CACNB2: variants seen among roughly 807,000 people sequenced by gnomAD.
The protein encoded by CACNB2 is calcium voltage-gated channel auxiliary subunit beta 2, also known as voltage-dependent L-type calcium channel subunit beta-2.
A neutral mutation model predicts 73.3 loss-of-function variants in CACNB2; 42 were observed. That is an observed-to-expected ratio of 0.57 (90% CI 0.45 to 0.74). CACNB2 has a LOEUF of 0.74. Ranked by LOEUF, CACNB2 falls within the 30% of genes least tolerant of loss-of-function variation. The pLI is 0.00. For missense variants in CACNB2, 940 were observed against 853.0 expected (o/e 1.10, Z -1.27); for synonymous variants, 348 against 310.3 (o/e 1.12, Z -1.28).
chr10:18,240,066 T>C (rs892946901), intron 2 of CACNB2, among the ~76,000 whole-genome samples: 3 of 152,214 alleles, frequency 2.0e-5, no homozygotes, highest in Non-Finnish European at 4.4e-5. Flanking sequence ...AAATCTTCAG[T>C]ATGGCAACTT....
chr10:18,164,447 A>G (rs2032698174), intron 2 of CACNB2, among the ~76,000 whole-genome samples: 1 of 152,162 alleles, frequency 6.6e-6, no homozygotes, highest in Non-Finnish European at 1.5e-5. Flanking sequence ...ACCATGAGTA[A>G]TTACCCTCTT....
At chr10:18,229,867 A>T (rs1020617771) in intron 2 of CACNB2, among the ~76,000 whole-genome samples, 2 of 152,226 alleles carry the variant, frequency 1.3e-5, no homozygotes, top group Non-Finnish European at 2.9e-5. Flanking sequence ...GTAAAATTAC[A>T]TATGGCATTA....
intron 2 of CACNB2, among the ~76,000 whole-genome samples, chr10:18,236,706 A>G (rs2036459702): frequency 6.6e-6 from 1 of 152,184 alleles, no homozygotes; most frequent in Non-Finnish European, 1.5e-5. Flanking sequence ...TCTCTGCCTC[A>G]TAATCTACCT....
At chr10:18,299,346 G>A (rs1190599874) in intron 2 of CACNB2, among the ~76,000 whole-genome samples, 1 of 152,106 alleles carries the variant, frequency 6.6e-6, no homozygotes, top group Non-Finnish European at 1.5e-5. Context: ...GAAGAAGTAG[G>A]GCCTGGGAAA....
intron 2 of CACNB2, among the ~76,000 whole-genome samples, chr10:18,306,993 C>A (rs1010608469): frequency 2.0e-5 from 3 of 151,808 alleles, no homozygotes; most frequent in Non-Finnish European, 4.4e-5. Context: ...TCTGTCAGTT[C>A]CTGGTTAGGA....
chr10:18,222,216 G>C (rs955247635), intron 2 of CACNB2, among the ~76,000 whole-genome samples: 8 of 152,138 alleles, frequency 5.3e-5, no homozygotes, highest in Middle Eastern at 3.2e-3. Context: ...CACATGCCGA[G>C]GCAGAACCCA....
intron 3 of CACNB2, among the ~76,000 whole-genome samples, chr10:18,453,670 C>T (rs1220479835): frequency 6.6e-6 from 1 of 152,184 alleles, no homozygotes; most frequent in African/African-American, 2.4e-5. Flanking sequence ...CGCTCTGTTG[C>T]CCAGGCTGGA....
intron 10 of CACNB2, among the ~76,000 whole-genome samples, chr10:18,528,069 T>C (rs191189038): frequency 3.9e-5 from 6 of 152,324 alleles, no homozygotes; most frequent in South Asian, 2.1e-4. Context: ...AACTACCTCA[T>C]AGAATCATTG....
At chr10:18,275,415 G>A (rs1204634504) in intron 2 of CACNB2, among the ~76,000 whole-genome samples, 1 of 152,166 alleles carries the variant, frequency 6.6e-6, no homozygotes, top group Non-Finnish European at 1.5e-5. Context: ...ACGTGGTTTT[G>A]AATATCAGCT....
chr10:18,500,648 A>T (rs2050143553), intron 4 of CACNB2, among the ~76,000 whole-genome samples, 164 bp from the exon 5 acceptor site: 1 of 152,194 alleles, frequency 6.6e-6, no homozygotes, highest in Admixed American at 6.5e-5. Flanking sequence ...CGCTAAATGC[A>T]TTTCTTACAT....
Position 18,153,605 on chromosome 10 carries a change from A to G in CACNB2, c.213+2630A>G, listed in dbSNP as rs539186974. ...TTATTTATTTATTTATTTTTGAGAC[A>G]GGGTCTCACTCTGTTACCCAGGCTG... On this transcript the variant is annotated intron_variant, in intron 2 of 13. Transcript: ENST00000324631. Among the ~76,000 whole-genome samples the G allele has an allele frequency of 2.4e-5, 3 of 122,458 alleles. No individual in the cohort carries two copies. In the East Asian group the frequency reaches 8.8e-4, roughly 36 times the overall value. The allele number at this position is 122,458 out of a possible 152,430, so 80.3% of individuals were successfully genotyped here.
intron 2 of CACNB2, among the ~76,000 whole-genome samples, chr10:18,244,283 A>G (rs1307007524): frequency 6.6e-6 from 1 of 152,226 alleles, no homozygotes; most frequent in Non-Finnish European, 1.5e-5. Context: ...TGAGATTCAT[A>G]TAGAGTAAGA....
At position 18,539,866 on chromosome 10, in the gene CACNB2, A is replaced by G; in HGVS notation, c.*142A>G. On this transcript the variant is annotated 3_prime_UTR_variant, in exon 14 of 14. Transcript: ENST00000324631. The stretch of plus-strand genomic sequence containing the variant: ...ATTTTGTATTATTGCTGTTGCTTGA[A>G]TAGCAATAGCATGGATAGAGTATTG... 1.2e-6 allele frequency: 1 copy of G among 865,890 alleles called. No individual in the cohort carries two copies. Among genetic ancestry groups the G allele is most frequent in the Non-Finnish European group, 1.8e-6 (1 of 568,934 alleles). The allele number at this position is 865,890 out of a possible 1,614,324, so 53.6% of individuals were successfully genotyped here.
At chr10:18,313,540 T>A (rs1044897385) in intron 2 of CACNB2, among the ~76,000 whole-genome samples, 3 of 152,172 alleles carry the variant, frequency 2.0e-5, no homozygotes, top group African/African-American at 7.2e-5. Flanking sequence ...AGTTCCTATC[T>A]TTGGAGCTTT....
In CACNB2 at chr10:18,481,192, CTATATA is replaced by C. The variant is rs145814788; in HGVS notation, c.334-17129_334-17124del. Among the ~76,000 whole-genome samples, 337 of 36,674 alleles carry C rather than the reference CTATATA, an allele frequency of 9.2e-3. 3 individuals carry two copies. Among genetic ancestry groups the C allele is most frequent in the African/African-American group, 9.5e-3 (83 of 8,700 alleles). The allele number at this position is 36,674 out of a possible 152,430, so 24.1% of individuals were successfully genotyped here. On this transcript the variant is annotated intron_variant, in intron 3 of 13. Coordinates refer to ENST00000324631, the MANE Select transcript of CACNB2 (RefSeq NM_201596.3). ...CAAAACTGATAATATTACATCTTCGCTATATATATATATATATATATATATATATAT... is the reference window on the plus strand; with the variant it reads ...CAAAACTGATAATATTACATCTTCGCTATATATATATATATATATATATAT...
chr10:18,150,651 G>A (rs962384196), intron 1 of CACNB2, among the ~76,000 whole-genome samples: 3 of 152,032 alleles, frequency 2.0e-5, no homozygotes, highest in East Asian at 1.9e-4. Flanking sequence ...CAGCAAGAGC[G>A]AAACTCTGTC....
chr10:18,150,855 CTTTTTTTTTTTT>C lies in CACNB2; in HGVS notation c.121-14_121-3del, dbSNP rs71402148. The C allele has an allele frequency of 2.5e-5, 12 of 484,678 alleles. No homozygotes were observed. Among genetic ancestry groups the C allele is most frequent in the Middle Eastern group, 5.3e-4 (1 of 1,886 alleles). The allele number at this position is 484,678 out of a possible 1,614,324, so 30.0% of individuals were successfully genotyped here. On this transcript the variant is annotated splice_polypyrimidine_tract_variant and intron_variant, in intron 1 of 13. Transcript: ENST00000324631. ...AGGGTCTCATAATAATCTTATTTGT[CTTTTTTTTTTTT>C]TTTTTTTTTTTTTAGTCATATGGAA...
chr10:18,141,326 TGCAGGTGG>T, intron 1 of CACNB2: 2 of 967,198 alleles, frequency 2.1e-6, no homozygotes, highest in South Asian at 1.4e-5. Context: ...GATGATGGGG[TGCAGGTGG>T]GCAGGAGGGG....
chr10:18,496,827 AAAAAAAAGG>A (rs2049855626), intron 3 of CACNB2, among the ~76,000 whole-genome samples: 1 of 150,694 alleles, frequency 6.6e-6, no homozygotes, highest in Non-Finnish European at 1.5e-5. Context: ...AAAAAAAAAA[AAAAAAAAGG>A]AAAAAAAGAA....
Sources: gnomAD v4.1 joint callset for allele counts (sites outside exome capture counted in the v4.1 genomes callset) on GRCh38, gnomAD v4.1.1 for gene constraint, MANE v1.5 for transcripts, NCBI Gene and HGNC (gene_info 2026-07-23, HGNC 2026-07-21) for gene names.